The following LRRC4C variants were observed in gnomAD, a reference collection of about 807,000 sequenced individuals.
LRRC4C encodes leucine rich repeat containing 4C.
LRRC4C carries 5 observed loss-of-function variants against 33.6 expected under a neutral mutation model. The observed-to-expected ratio is 0.15, with a 90% CI of 0.08 to 0.31. LRRC4C has a LOEUF of 0.31. Ranked by LOEUF, LRRC4C falls within the 10% of genes least tolerant of loss-of-function variation. LRRC4C has a pLI of 1.00. For synonymous variants in LRRC4C, 329 were observed against 302.0 expected (o/e 1.09, Z -0.93); for missense variants, 560 against 796.7 (o/e 0.70, Z 3.58).
chr11:40,952,872 ACACACACACACACACACACACACACTCT>A (rs1244943591), intron 1 of LRRC4C, among the ~76,000 whole-genome samples: 3 of 106,360 alleles, frequency 2.8e-5, no homozygotes, highest in African/African-American at 6.1e-5. Context: ...ACACACACAC[ACACACACACACACACACACACACACTCT>A]CTCTCTCTCT....
chr11:40,665,211 T>C (rs1030762960), intron 2 of LRRC4C, among the ~76,000 whole-genome samples: 3 of 150,146 alleles, frequency 2.0e-5, no homozygotes, highest in Non-Finnish European at 4.4e-5. Context: ...CCCTTTACCT[T>C]ATTCCTAGAA....
intron 1 of LRRC4C, among the ~76,000 whole-genome samples, chr11:41,360,319 G>A (rs1428380425): frequency 2.0e-5 from 3 of 152,032 alleles, no homozygotes; most frequent in African/African-American, 7.2e-5. Context: ...TAATACTACT[G>A]AACTTTAATC....
intron 3 of LRRC4C, among the ~76,000 whole-genome samples, chr11:40,383,244 TTTTC>T (rs1948964413): frequency 6.6e-6 from 1 of 152,254 alleles, no homozygotes; most frequent in Non-Finnish European, 1.5e-5. Context: ...ATATATCATA[TTTTC>T]TTTATCATTC....
chr11:40,696,031 GTA>G (rs1162887999), intron 2 of LRRC4C, among the ~76,000 whole-genome samples: 10 of 139,252 alleles, frequency 7.2e-5, no homozygotes, highest in East Asian at 2.0e-4. Flanking sequence ...GTGTGTGTGT[GTA>G]TATATATATG....
intron 1 of LRRC4C, among the ~76,000 whole-genome samples, chr11:41,036,005 A>C (rs547501766): frequency 4.6e-5 from 7 of 152,134 alleles, no homozygotes; most frequent in African/African-American, 1.7e-4. Flanking sequence ...AACTATACAA[A>C]CTCCTTGGAA....
At chr11:41,244,451 A>G (rs1304702117) in intron 1 of LRRC4C, among the ~76,000 whole-genome samples, 2 of 152,198 alleles carry the variant, frequency 1.3e-5, no homozygotes, top group Non-Finnish European at 2.9e-5. Flanking sequence ...AGTCAAAGAA[A>G]GTGAAACAAA....
At chr11:40,872,797 A>G (rs1404869754) in intron 2 of LRRC4C, among the ~76,000 whole-genome samples, 2 of 152,176 alleles carry the variant, frequency 1.3e-5, no homozygotes, top group African/African-American at 2.4e-5. Flanking sequence ...GCTCTAGGAA[A>G]AAAATAAATT....
intron 1 of LRRC4C, among the ~76,000 whole-genome samples, chr11:41,266,231 G>A (rs1247973109): frequency 6.6e-6 from 1 of 152,034 alleles, no homozygotes; most frequent in East Asian, 1.9e-4. Context: ...ATTTTAATTG[G>A]CCAAGGGCAA....
At chr11:41,447,389 A>G (rs1955858400) in intron 1 of LRRC4C, among the ~76,000 whole-genome samples, 1 of 152,180 alleles carries the variant, frequency 6.6e-6, no homozygotes, top group African/African-American at 2.4e-5. Flanking sequence ...ACTAAACTCT[A>G]TTTTGAAGCT....
At chr11:41,129,257 A>G (rs1942900575) in intron 1 of LRRC4C, among the ~76,000 whole-genome samples, 1 of 151,942 alleles carries the variant, frequency 6.6e-6, no homozygotes, top group Non-Finnish European at 1.5e-5. Context: ...CTCCGTACCA[A>G]CTGCGAAGTG....
chr11:40,464,600 C>T (rs1308607526), intron 3 of LRRC4C, among the ~76,000 whole-genome samples: 1 of 151,882 alleles, frequency 6.6e-6, no homozygotes, highest in Non-Finnish European at 1.5e-5. Flanking sequence ...CAAAAGACTC[C>T]TAGATTTCAT....
intron 1 of LRRC4C, among the ~76,000 whole-genome samples, chr11:41,369,232 T>A (rs1373856536): frequency 2.0e-5 from 3 of 152,092 alleles, no homozygotes; most frequent in African/African-American, 7.2e-5. Context: ...AGTTTTAGAG[T>A]TTTACATAGG....
chr11:40,760,911 T>G (rs1949183878), intron 2 of LRRC4C, among the ~76,000 whole-genome samples: 1 of 147,802 alleles, frequency 6.8e-6, no homozygotes, highest in Non-Finnish European at 1.5e-5. Context: ...ATTATATATT[T>G]TTTTTGTAAA....
chr11:41,440,960 T>C (rs545435957), intron 1 of LRRC4C, among the ~76,000 whole-genome samples: 45 of 152,288 alleles, frequency 3.0e-4, no homozygotes, highest in African/African-American at 1.0e-3. Context: ...TTTATAGCAG[T>C]ACTAGAGAAC....
intron 3 of LRRC4C, among the ~76,000 whole-genome samples, chr11:40,413,941 A>C (rs1950236750): frequency 1.3e-5 from 2 of 152,104 alleles, no homozygotes; most frequent in African/African-American, 4.8e-5. Context: ...TCTCTCCTTT[A>C]AATGGTGAAT....
At chr11:40,552,032 A>C (rs1424356280) in intron 3 of LRRC4C, among the ~76,000 whole-genome samples, 1 of 152,228 alleles carries the variant, frequency 6.6e-6, no homozygotes, top group Non-Finnish European at 1.5e-5. Context: ...AGGCAGAAGT[A>C]ATTCTATCAG....
intron 1 of LRRC4C, among the ~76,000 whole-genome samples, chr11:41,227,531 G>T (rs900706846): frequency 1.3e-5 from 2 of 151,982 alleles, no homozygotes; most frequent in Admixed American, 6.6e-5. Context: ...CAGAGACAGG[G>T]TCTTGCTCTG....
At chr11:40,865,705 T>C (rs1954329771) in intron 2 of LRRC4C, among the ~76,000 whole-genome samples, 1 of 151,694 alleles carries the variant, frequency 6.6e-6, no homozygotes, top group African/African-American at 2.4e-5. Flanking sequence ...TCTAAAGAAA[T>C]AAAACTTGAA....
At chr11:40,841,490 T>C (rs570065097) in intron 2 of LRRC4C, among the ~76,000 whole-genome samples, 2 of 152,294 alleles carry the variant, frequency 1.3e-5, no homozygotes, top group South Asian at 2.1e-4. Flanking sequence ...AGTGTCCTTA[T>C]AAGAAAAGAG....
Sources: gnomAD v4.1 joint callset for allele counts (sites outside exome capture counted in the v4.1 genomes callset) on GRCh38, gnomAD v4.1.1 for gene constraint, MANE v1.5 for transcripts, NCBI Gene and HGNC (gene_info 2026-07-23, HGNC 2026-07-21) for gene names.